The following RCOR3 variants were observed in gnomAD, a reference collection of about 807,000 sequenced individuals.
The protein encoded by RCOR3 is REST corepressor 3.
RCOR3 carries 13 observed loss-of-function variants against 64.1 expected under a neutral mutation model. That is an observed-to-expected ratio of 0.20 (90% CI 0.13 to 0.32). RCOR3 has a LOEUF of 0.32. Among genes scored for constraint, RCOR3 ranks in the 10% least tolerant of loss-of-function variants. The pLI, the probability that RCOR3 is intolerant of heterozygous loss-of-function variation, is 1.00. For synonymous variants in RCOR3, 215 were observed against 239.0 expected (o/e 0.90, Z 0.93); for missense variants, 489 against 701.2 (o/e 0.70, Z 3.42).
At chr1:211,262,273 T>G (rs990004343) in intron 2 of RCOR3, among the ~76,000 whole-genome samples, 4 of 151,864 alleles carry the variant, frequency 2.6e-5, no homozygotes, top group African/African-American at 9.7e-5. Flanking sequence ...CCTGACCTCG[T>G]GATCTGCTGC....
At chr1:211,274,925 A>G (rs1696745354) in intron 4 of RCOR3, among the ~76,000 whole-genome samples, 1 of 151,794 alleles carries the variant, frequency 6.6e-6, no homozygotes, top group Admixed American at 6.6e-5. Flanking sequence ...CATACAAAAT[A>G]TAGTAATGTC....
chr1:211,307,925 TAA>T (rs1357651211), intron 10 of RCOR3, among the ~76,000 whole-genome samples: 2 of 152,136 alleles, frequency 1.3e-5, no homozygotes. Flanking sequence ...ATGCTTATAG[TAA>T]AAGTTACCTT....
chr1:211,262,963 C>G (rs1312060341), intron 2 of RCOR3, among the ~76,000 whole-genome samples: 1 of 150,226 alleles, frequency 6.7e-6, no homozygotes, highest in African/African-American at 2.5e-5. Context: ...TGCTGGTGTG[C>G]TGCACCCATT....
At chr1:211,279,086 C>A in intron 6 of RCOR3, 152 bp from the exon 7 acceptor site, 1 of 476,012 alleles carries the variant, frequency 2.1e-6, no homozygotes, top group Middle Eastern at 6.2e-4. Flanking sequence ...ACTTGGGAGA[C>A]TGAGGTGAGA....
chr1:211,277,594 T>C (rs1697198876), intron 5 of RCOR3, among the ~76,000 whole-genome samples: 1 of 152,182 alleles, frequency 6.6e-6, no homozygotes, highest in African/African-American at 2.4e-5. Flanking sequence ...ATTCCCTTTA[T>C]GTAAAATGTC....
chr1:211,280,130 G>C (rs1697574705), intron 7 of RCOR3, among the ~76,000 whole-genome samples: 1 of 152,124 alleles, frequency 6.6e-6, no homozygotes, highest in African/African-American at 2.4e-5. Context: ...AGAAATCTTG[G>C]ATACAAGTTG....
chr1:211,293,249 T>C (rs910808863), intron 8 of RCOR3, among the ~76,000 whole-genome samples: 3 of 152,164 alleles, frequency 2.0e-5, no homozygotes, highest in Non-Finnish European at 4.4e-5. Flanking sequence ...TTAAATTAAT[T>C]TCCATCCTCT....
At chr1:211,290,301 G>T (rs945579599) in intron 8 of RCOR3, among the ~76,000 whole-genome samples, 1 of 152,088 alleles carries the variant, frequency 6.6e-6, no homozygotes, top group Non-Finnish European at 1.5e-5. Context: ...TTCCCCAAAA[G>T]ATTTTTTTCT....
At chr1:211,288,775 G>A (rs10779554) in intron 7 of RCOR3, among the ~76,000 whole-genome samples, 143,489 of 151,700 alleles carry the variant, frequency 0.95, 68,022 homozygotes, top group East Asian at 1. Context: ...TTTCTAAATT[G>A]CCCCCTTTTT....
chr1:211,295,639 C>A (rs375080499), intron 8 of RCOR3, 37 bp from the exon 9 acceptor site: 15 of 1,563,268 alleles, frequency 9.6e-6, no homozygotes. Context: ...TACCTAAGTA[C>A]GCGATCTGAT....
intron 7 of RCOR3, among the ~76,000 whole-genome samples, chr1:211,281,305 C>T (rs937364079): frequency 5.3e-5 from 8 of 152,058 alleles, no homozygotes; most frequent in African/African-American, 1.9e-4. Flanking sequence ...TACTCTATTC[C>T]TTTTATCATT....
At chr1:211,282,909 A>G (rs1200071606) in intron 7 of RCOR3, among the ~76,000 whole-genome samples, 1 of 152,200 alleles carries the variant, frequency 6.6e-6, no homozygotes, top group Non-Finnish European at 1.5e-5. Context: ...ACATATGATG[A>G]TATGATTATC....
At position 211,279,249 on chromosome 1, in the gene RCOR3, T is replaced by A; in HGVS notation, c.653T>A (p.Val218Glu). ...TTGTTTCTTCTCAGTGATGATGATG[T>A]AGAAGAAACACATCCAATGGATGGG... ...RHNQGDSDDD[V>E]EETHPMDGND... Residue 218 changes from valine to glutamate, a missense_variant, in exon 7 of 12, where the codon GTA (valine) becomes GAA (glutamate). By Grantham distance (121) the Val-to-Glu change is moderately radical. Coordinates refer to ENST00000419091, the MANE Select transcript of RCOR3 (RefSeq NM_001136223.3). The A allele has an allele frequency of 6.2e-7, 1 of 1,605,788 alleles. No homozygotes were observed. Among genetic ancestry groups the A allele is most frequent in the Non-Finnish European group, 8.5e-7 (1 of 1,176,348 alleles).
chr1:211,259,802 C>A, intron 1 of RCOR3, 76 bp downstream of exon 1: 1 of 1,276,594 alleles, frequency 7.8e-7, no homozygotes, highest in Non-Finnish European at 1.0e-6. Flanking sequence ...CCTCCCCTCG[C>A]CGCTCTCCCG....
chr1:211,297,427 T>A (rs1699956157), intron 9 of RCOR3, among the ~76,000 whole-genome samples: 1 of 152,138 alleles, frequency 6.6e-6, no homozygotes. Flanking sequence ...TGGCTATAGC[T>A]CATCTTTTCA....
chr1:211,307,430 A>C (rs1423883238), intron 10 of RCOR3, among the ~76,000 whole-genome samples: 1 of 151,806 alleles, frequency 6.6e-6, no homozygotes, highest in Non-Finnish European at 1.5e-5. Context: ...TGGAGGTTGC[A>C]GTGAGCCAAG....
chr1:211,279,216 AC>A (rs1697434007), intron 6 of RCOR3, 21 bp from the exon 7 acceptor site: 3 of 1,500,672 alleles, frequency 2.0e-6, no homozygotes, highest in Admixed American at 1.9e-5. Context: ...AATTAAGTGT[AC>A]TAATTTTTGT....
intron 7 of RCOR3, among the ~76,000 whole-genome samples, chr1:211,284,326 C>T (rs904066232): frequency 2.0e-5 from 3 of 151,952 alleles, no homozygotes; most frequent in African/African-American, 4.8e-5. Flanking sequence ...GTGATGCATC[C>T]GCCTCAGCCT....
intron 9 of RCOR3, among the ~76,000 whole-genome samples, chr1:211,298,788 C>T (rs1026907134): frequency 1.3e-5 from 2 of 151,998 alleles, no homozygotes; most frequent in South Asian, 2.1e-4. Flanking sequence ...GGGCGGATCA[C>T]GAGGTCAGGA....
Sources: allele counts gnomAD v4.1 joint callset (sites outside exome capture counted in the v4.1 genomes callset), GRCh38; gene constraint gnomAD v4.1.1; transcripts MANE v1.5; gene names NCBI Gene and HGNC (gene_info 2026-07-23, HGNC 2026-07-21).